The following MCC variants were observed in gnomAD, a reference collection of about 807,000 sequenced individuals.
The protein encoded by MCC is colorectal mutant cancer protein.
Under a neutral mutation model 116.2 loss-of-function variants are expected in MCC, and 90 were observed. The ratio of observed to expected loss-of-function variants is 0.77; its 90% CI spans 0.65 to 0.92. The LOEUF is 0.92. Ranked by LOEUF, MCC falls within the 40% of genes least tolerant of loss-of-function variation. The pLI is 0.00. For synonymous variants in MCC, 578 were observed against 510.5 expected (o/e 1.13, Z -1.78); for missense variants, 1,516 against 1,312.2 (o/e 1.16, Z -2.40).
intron 1 of MCC, among the ~76,000 whole-genome samples, chr5:113,422,774 G>A (rs36613): frequency 0.091 from 13,916 of 152,172 alleles, 923 homozygotes; most frequent in Non-Finnish European, 0.12. Flanking sequence ...AGATAAATAG[G>A]AATTAGTGGA....
intron 1 of MCC, among the ~76,000 whole-genome samples, chr5:113,414,384 T>A (rs1343745645): frequency 6.6e-6 from 1 of 152,174 alleles, no homozygotes; most frequent in African/African-American, 2.4e-5. Flanking sequence ...AGTCTCCCAT[T>A]ATTATTGTGT....
chr5:113,224,086 TTTTTG>T (rs1485096685), intron 3 of MCC, among the ~76,000 whole-genome samples: 1 of 152,024 alleles, frequency 6.6e-6, no homozygotes, highest in Non-Finnish European at 1.5e-5. Flanking sequence ...TGTTATATAG[TTTTTG>T]TTTTGTTTTG....
intron 8 of MCC, among the ~76,000 whole-genome samples, chr5:113,087,723 C>G (rs1010347983): frequency 6.6e-6 from 1 of 151,534 alleles, no homozygotes; most frequent in Non-Finnish European, 1.5e-5. Flanking sequence ...GAATTGCACT[C>G]AAGACAATCA....
At chr5:113,343,439 T>G (rs759155838) in intron 2 of MCC, among the ~76,000 whole-genome samples, 2 of 152,232 alleles carry the variant, frequency 1.3e-5, no homozygotes, top group Non-Finnish European at 2.9e-5. Flanking sequence ...TCCCTCCCCT[T>G]GTTCCTCTGA....
intron 2 of MCC, among the ~76,000 whole-genome samples, chr5:113,341,206 G>A (rs1044651674): frequency 1.3e-5 from 2 of 150,610 alleles, no homozygotes; most frequent in Non-Finnish European, 3.0e-5. Flanking sequence ...CTTCCTCTCT[G>A]TCTCTCTTTC....
At chr5:113,070,281 TACACTTA>T (rs1426509690) in intron 12 of MCC, among the ~76,000 whole-genome samples, 1 of 152,156 alleles carries the variant, frequency 6.6e-6, no homozygotes, top group African/African-American at 2.4e-5. Context: ...CCTTGGCAAA[TACACTTA>T]AGTGGTAACA....
At chr5:113,408,822 A>G (rs1427660495) in intron 1 of MCC, among the ~76,000 whole-genome samples, 1 of 152,164 alleles carries the variant, frequency 6.6e-6, no homozygotes, top group East Asian at 1.9e-4. Context: ...TGAGTAGAGC[A>G]AGGGAGCAGG....
At chr5:113,194,265 G>A (rs1021783934) in intron 3 of MCC, among the ~76,000 whole-genome samples, 13 of 152,178 alleles carry the variant, frequency 8.5e-5, no homozygotes, top group African/African-American at 3.1e-4. Flanking sequence ...TCCAGGGCTT[G>A]TACAATACTT....
intron 1 of MCC, among the ~76,000 whole-genome samples, chr5:113,486,649 G>C (rs564522093): frequency 1.6e-4 from 25 of 152,190 alleles, no homozygotes; most frequent in Non-Finnish European, 2.8e-4. Flanking sequence ...TTCGAGACCA[G>C]CCTGGCCAAA....
chr5:113,143,422 C>A, intron 4 of MCC, 62 bp from the exon 5 acceptor site: 1 of 1,579,726 alleles, frequency 6.3e-7, no homozygotes, highest in Non-Finnish European at 8.6e-7. Context: ...GTGGATGATT[C>A]CAAGCTTTGT....
intron 3 of MCC, among the ~76,000 whole-genome samples, chr5:113,243,535 GA>G (rs1263401439): frequency 6.6e-6 from 1 of 152,196 alleles, no homozygotes; most frequent in Admixed American, 6.5e-5. Flanking sequence ...GGTATTAAAT[GA>G]AAGCACATAA....
intron 3 of MCC, among the ~76,000 whole-genome samples, chr5:113,228,472 A>T (rs1308005458): frequency 6.6e-6 from 1 of 152,172 alleles, no homozygotes; most frequent in Non-Finnish European, 1.5e-5. Context: ...ATAGGAAGTG[A>T]GCAACAAGCC....
intron 17 of MCC, among the ~76,000 whole-genome samples, chr5:113,037,957 T>A (rs571619750): frequency 2.5e-4 from 38 of 152,326 alleles, no homozygotes; most frequent in Admixed American, 2.2e-3. Flanking sequence ...AAGGTGCTTA[T>A]GCAGAGCACC....
At chr5:113,352,425 A>G (rs1768293677) in intron 2 of MCC, among the ~76,000 whole-genome samples, 1 of 151,592 alleles carries the variant, frequency 6.6e-6, no homozygotes, top group African/African-American at 2.4e-5. Flanking sequence ...ATCTTCCCAT[A>G]TTTTTTCCTC....
chr5:113,471,925 A>C (rs1352562642), intron 1 of MCC, among the ~76,000 whole-genome samples: 2 of 149,504 alleles, frequency 1.3e-5, no homozygotes, highest in Admixed American at 6.6e-5. Context: ...CTGTGGTAGC[A>C]ATGAGTGAGA....
intron 1 of MCC, among the ~76,000 whole-genome samples, chr5:113,446,252 C>A (rs1771216047): frequency 6.6e-6 from 1 of 152,044 alleles, no homozygotes; most frequent in South Asian, 2.1e-4. Flanking sequence ...ACAAGCATGA[C>A]ATAATTAAAC....
At chr5:113,080,983 A>G (rs1247589644) in intron 11 of MCC, among the ~76,000 whole-genome samples, 1 of 152,098 alleles carries the variant, frequency 6.6e-6, no homozygotes, top group South Asian at 2.1e-4. Context: ...TTTCTGTTTT[A>G]CTTTGCTTTG....
chr5:113,027,008 G>C lies in MCC; in HGVS notation c.*294C>G, dbSNP rs545676740. On this transcript the variant is annotated 3_prime_UTR_variant, in exon 19 of 19. Transcript: ENST00000408903. Reference sequence around the variant, plus strand: ...CACAGCCGCCAGACCAGAAGAGGAGGGGGAGAGTGAGTGCTGAAAGCAGAA... The same window carrying C: ...CACAGCCGCCAGACCAGAAGAGGAGCGGGAGAGTGAGTGCTGAAAGCAGAA... The C allele has an allele frequency of 7.3e-5, 26 of 354,322 alleles. No individual in the cohort carries two copies. In the East Asian group the frequency reaches 1.2e-3, roughly 16 times the overall value. 21.9% of individuals were successfully genotyped at this position (354,322 alleles called of 1,614,324 possible).
chr5:113,167,697 C>G (rs1760843942), intron 3 of MCC, among the ~76,000 whole-genome samples: 1 of 152,148 alleles, frequency 6.6e-6, no homozygotes, highest in South Asian at 2.1e-4. Flanking sequence ...GTGGCATCAT[C>G]AAGGCTCACT....
Sources: allele counts gnomAD v4.1 joint callset (sites outside exome capture counted in the v4.1 genomes callset), GRCh38; gene constraint gnomAD v4.1.1; transcripts MANE v1.5; gene names NCBI Gene and HGNC (gene_info 2026-07-23, HGNC 2026-07-21).